ATRN: variants seen among roughly 807,000 people sequenced by gnomAD.
ATRN encodes the protein attractin, also known as attractin-2.
ATRN carries 54 observed loss-of-function variants against 178.7 expected under a neutral mutation model. The ratio of observed to expected loss-of-function variants is 0.30; its 90% CI spans 0.24 to 0.38. The LOEUF is 0.38. ATRN is among the 10% of genes least tolerant of loss of function. The pLI is 1.00. For missense variants in ATRN, 1,443 were observed against 1,815.1 expected (o/e 0.79, Z 3.73); for synonymous variants, 636 against 663.0 (o/e 0.96, Z 0.63).
At chr20:3,616,037 G>T in intron 24 of ATRN, 1 of 89,698 alleles carries the variant, frequency 1.1e-5, no homozygotes, top group South Asian at 4.0e-4. Flanking sequence ...AAAACTTAAA[G>T]TATAATTAAA....
At chr20:3,598,965 T>A (rs6051968) in intron 22 of ATRN, among the ~76,000 whole-genome samples, 7,239 of 152,292 alleles carry the variant, frequency 0.048, 520 homozygotes, top group African/African-American at 0.16. Context: ...TTGCTAAATT[T>A]AATTTTAAAA....
At chr20:3,557,697 A>T (rs1470153893) in intron 6 of ATRN, among the ~76,000 whole-genome samples, 1 of 152,232 alleles carries the variant, frequency 6.6e-6, no homozygotes, top group Non-Finnish European at 1.5e-5. Flanking sequence ...TGCAAATGTT[A>T]AGGACCTGGA....
At chr20:3,603,543 G>A (rs2086640563) in intron 23 of ATRN, among the ~76,000 whole-genome samples, 1 of 150,924 alleles carries the variant, frequency 6.6e-6, no homozygotes, top group Non-Finnish European at 1.5e-5. Flanking sequence ...AGGCTGGAGT[G>A]CAATGGCGCA....
chr20:3,480,357 A>G (rs1035429941), intron 1 of ATRN, among the ~76,000 whole-genome samples: 2 of 152,208 alleles, frequency 1.3e-5, no homozygotes, highest in African/African-American at 4.8e-5. Context: ...TGGCGAGGCC[A>G]TAATGCCTAG....
intron 6 of ATRN, among the ~76,000 whole-genome samples, chr20:3,556,057 C>G (rs557287861): frequency 1.3e-5 from 2 of 151,914 alleles, no homozygotes; most frequent in African/African-American, 4.8e-5. Context: ...TAAAGAAATA[C>G]GAATAAATTA....
rs192816618 is a variant in ATRN at position 3,525,904 on chromosome 20, G to T, written c.411-9349G>T. 8.5e-5 allele frequency among the ~76,000 whole-genome samples: 13 copies of T among 152,186 alleles called. No homozygotes were observed. The East Asian group carries it at 2.3e-3, about 27-fold the overall frequency. ...TAGGTATTGGTGGAACTTATCTCAAGATAATAAGAGCTATGTATGACAGAC... is the reference window on the plus strand; with the variant it reads ...TAGGTATTGGTGGAACTTATCTCAATATAATAAGAGCTATGTATGACAGAC... On this transcript the variant is annotated intron_variant, in intron 1 of 28. Transcript: ENST00000262919.
chr20:3,506,927 C>G (rs6107297), intron 1 of ATRN, among the ~76,000 whole-genome samples: 8 of 151,800 alleles, frequency 5.3e-5, no homozygotes, highest in African/African-American at 1.9e-4. Flanking sequence ...TTTGAAGAGC[C>G]TTAGAAGAGA....
At chr20:3,551,866 TCA>T (rs1160642630) in intron 6 of ATRN, among the ~76,000 whole-genome samples, 1 of 152,212 alleles carries the variant, frequency 6.6e-6, no homozygotes, top group African/African-American at 2.4e-5. Flanking sequence ...TTTCTGTAGA[TCA>T]GTGCTGTCTC....
At chr20:3,580,102 T>C (rs2086262516) in intron 15 of ATRN, among the ~76,000 whole-genome samples, 1 of 152,214 alleles carries the variant, frequency 6.6e-6, no homozygotes, top group African/African-American at 2.4e-5. Flanking sequence ...TCTCCATTGG[T>C]GACTGTCTCT....
chr20:3,578,669 T>C lies in ATRN; in HGVS notation c.2441T>C (p.Leu814Ser). ...TAKENYDNAKLFCRNHNALLA... is the reference protein window; with the variant it reads ...TAKENYDNAKSFCRNHNALLA... ...AAGGAGAATTATGACAATGCTAAAT[T>C]GTTCTGTAGGAACCACAATGCCCTT... Residue 814 changes from leucine (L) to serine (S), a missense_variant, in exon 15 of 29, where the codon TTG (leucine) becomes TCG (serine). By Grantham distance (145) the Leu-to-Ser change is moderately radical (BLOSUM62 -2). This residue lies in a region of ATRN where 212 missense variants were observed against 330.7 expected (regional missense o/e 0.64). Coordinates refer to ENST00000262919, the MANE Select transcript of ATRN (RefSeq NM_139321.3). 1 of 1,614,084 alleles carries C rather than the reference T, an allele frequency of 6.2e-7. No homozygotes were observed. Among genetic ancestry groups the C allele is most frequent in the Non-Finnish European group, 8.5e-7 (1 of 1,179,946 alleles).
chr20:3,604,265 A>G lies in ATRN; in HGVS notation c.3801+3A>G. The G allele has an allele frequency of 6.3e-7, 1 of 1,592,958 alleles. No individual in the cohort carries two copies. The highest frequency in any genetic ancestry group is 8.5e-7 in the Non-Finnish European group (1 of 1,173,646). ...TCACCTGGCCCATCAAAATTCAGGT[A>G]AGAAGAGGCTTTTGGTCTCATACCT... On this transcript the variant is annotated splice_donor_region_variant and intron_variant, in intron 24 of 28. Coordinates refer to ENST00000262919, the MANE Select transcript of ATRN (RefSeq NM_139321.3).
At chr20:3,475,269 T>C (rs1459484802) in intron 1 of ATRN, among the ~76,000 whole-genome samples, 2 of 152,126 alleles carry the variant, frequency 1.3e-5, no homozygotes, top group African/African-American at 4.8e-5. Flanking sequence ...TTTCATTAAT[T>C]GAAGGGAACG....
chr20:3,566,167 G>GA (rs2086033287), intron 11 of ATRN, among the ~76,000 whole-genome samples: 1 of 152,160 alleles, frequency 6.6e-6, no homozygotes, highest in Admixed American at 6.5e-5. Flanking sequence ...CAGATGGGGG[G>GA]ATAAGGTAGG....
rs562300171 is a variant in ATRN at position 3,562,527 on chromosome 20, T to C, written c.1631+68T>C. The C allele has an allele frequency of 6.2e-5, 93 of 1,511,788 alleles. 1 individual carries two copies. In the Middle Eastern group the frequency reaches 1.4e-3, roughly 23 times the overall value. The allele number at this position is 1,511,788 out of a possible 1,614,324, so 93.6% of individuals were successfully genotyped here. A position where few individuals can be genotyped will look rare whatever the true frequency, so the allele number is the denominator to read the frequency against. ...TGTAGAGGCAATTGTGGAGAAAATA[T>C]TGTGCTATCTTTTTGTTTTCATGCC... On this transcript the variant is annotated intron_variant, in intron 9 of 28. Coordinates refer to ENST00000262919, the MANE Select transcript of ATRN (RefSeq NM_139321.3).
chr20:3,513,121 C>T (rs1386148859), intron 1 of ATRN, among the ~76,000 whole-genome samples: 1 of 152,184 alleles, frequency 6.6e-6, no homozygotes, highest in Non-Finnish European at 1.5e-5. Context: ...AATTAGATCC[C>T]ATTTGTCAAT....
At chr20:3,541,171 G>A (rs1394871672) in intron 3 of ATRN, among the ~76,000 whole-genome samples, 3 of 148,840 alleles carry the variant, frequency 2.0e-5, no homozygotes, top group Non-Finnish European at 4.4e-5. Context: ...TCCGCCTCCC[G>A]GGTTCACGCC....
At chr20:3,573,400 A>T (rs769584085) in intron 12 of ATRN, among the ~76,000 whole-genome samples, 18 of 152,226 alleles carry the variant, frequency 1.2e-4, no homozygotes, top group Non-Finnish European at 8.8e-5. Context: ...ATTTTAATTT[A>T]AAAGACATTT....
At chr20:3,602,808 A>G (rs2086628054) in intron 23 of ATRN, among the ~76,000 whole-genome samples, 1 of 151,718 alleles carries the variant, frequency 6.6e-6, no homozygotes, top group Non-Finnish European at 1.5e-5. Flanking sequence ...TACTAAAAAT[A>G]CAAAACTAGC....
chr20:3,572,041 G>A (rs1255852482), intron 11 of ATRN, among the ~76,000 whole-genome samples: 1 of 151,990 alleles, frequency 6.6e-6, no homozygotes, highest in Admixed American at 6.6e-5. Context: ...TAGTTATCTT[G>A]ATACCATTTA....
Sources: allele counts gnomAD v4.1 joint callset (sites outside exome capture counted in the v4.1 genomes callset), GRCh38; gene constraint gnomAD v4.1.1; regional missense constraint gnomAD v4.1.1; transcripts MANE v1.5; gene names NCBI Gene and HGNC (gene_info 2026-07-23, HGNC 2026-07-21).